The following CNTN5 variants were observed in gnomAD, a reference collection of about 807,000 sequenced individuals.
CNTN5 encodes the protein contactin-5.
Under a neutral mutation model 129.1 loss-of-function variants are expected in CNTN5, and 77 were observed. That is an observed-to-expected ratio of 0.60 (90% confidence interval 0.50 to 0.72). CNTN5 has a LOEUF of 0.72. Among genes scored for constraint, CNTN5 ranks in the 30% least tolerant of loss-of-function variants. The pLI is 0.00. For missense variants in CNTN5, 1,478 were observed against 1,328.8 expected (o/e 1.11, Z -1.75); for synonymous variants, 509 against 465.6 (o/e 1.09, Z -1.20).
intron 3 of CNTN5, among the ~76,000 whole-genome samples, chr11:99,732,450 T>G (rs12808436): frequency 6.6e-6 from 1 of 152,136 alleles, no homozygotes; most frequent in African/African-American, 2.4e-5. Context: ...CTCAGTATAA[T>G]AACTGAGTAC....
chr11:100,107,868 G>T (rs1364057778), intron 13 of CNTN5, among the ~76,000 whole-genome samples: 2 of 151,886 alleles, frequency 1.3e-5, no homozygotes, highest in Admixed American at 6.6e-5. Flanking sequence ...ATGCATGTGT[G>T]TGTGCTTAAT....
At chr11:100,240,785 C>T (rs1411429900) in intron 16 of CNTN5, among the ~76,000 whole-genome samples, 1 of 152,130 alleles carries the variant, frequency 6.6e-6, no homozygotes, top group Non-Finnish European at 1.5e-5. Context: ...GTCAAGGTTG[C>T]ACCTGTCTTA....
intron 1 of CNTN5, among the ~76,000 whole-genome samples, chr11:99,136,778 T>A (rs1859246769): frequency 1.1e-4 from 3 of 27,910 alleles, no homozygotes. Flanking sequence ...TAAAAGGACA[T>A]GGGTTGTTTT....
intron 3 of CNTN5, among the ~76,000 whole-genome samples, chr11:99,703,155 G>T (rs1954596245): frequency 6.8e-6 from 1 of 147,814 alleles, no homozygotes; most frequent in African/African-American, 2.5e-5. Context: ...TATAATCTTT[G>T]AGTTTTGATT....
chr11:100,207,984 G>A (rs939911382), intron 15 of CNTN5, among the ~76,000 whole-genome samples: 2 of 151,970 alleles, frequency 1.3e-5, no homozygotes, highest in African/African-American at 4.8e-5. Flanking sequence ...ACCACATTTA[G>A]TCTCATACCA....
At chr11:99,925,859 AGAACACTATGATGAAGGAATAC>A (rs1426879103) in intron 7 of CNTN5, among the ~76,000 whole-genome samples, 31 of 152,272 alleles carry the variant, frequency 2.0e-4, no homozygotes, top group African/African-American at 6.7e-4. Context: ...GGTAGTCCCA[AGAACACTATGATGAAGGAATAC>A]CAGATATTCT....
intron 2 of CNTN5, among the ~76,000 whole-genome samples, chr11:99,366,983 G>T (rs11219636): frequency 0.032 from 4,906 of 152,074 alleles, 264 homozygotes; most frequent in African/African-American, 0.11. Context: ...CGTAAGCTGG[G>T]GATATTTATA....
At chr11:100,297,559 C>T (rs562337704) in intron 18 of CNTN5, 66 bp from the exon 19 acceptor site, 3 of 1,209,030 alleles carry the variant, frequency 2.5e-6, no homozygotes, top group East Asian at 2.5e-5. Flanking sequence ...TGACTTATCT[C>T]AGGATTTTAT....
chr11:99,065,774 A>C (rs1865077034), intron 1 of CNTN5, among the ~76,000 whole-genome samples: 1 of 152,086 alleles, frequency 6.6e-6, no homozygotes, highest in African/African-American at 2.4e-5. Flanking sequence ...AAAAAGGAAA[A>C]GAAGAAAAAA....
chr11:99,225,531 C>T (rs905005148), intron 1 of CNTN5, among the ~76,000 whole-genome samples: 4 of 152,090 alleles, frequency 2.6e-5, no homozygotes, highest in Non-Finnish European at 4.4e-5. Flanking sequence ...ATGAGAAATC[C>T]GCCTATCTGT....
At chr11:100,262,185 G>A (rs1419921818) in intron 17 of CNTN5, among the ~76,000 whole-genome samples, 1 of 152,142 alleles carries the variant, frequency 6.6e-6, no homozygotes, top group African/African-American at 2.4e-5. Flanking sequence ...GCCAACAAAT[G>A]TATGAAAAAA....
chr11:99,826,310 T>C (rs574507065), intron 4 of CNTN5, among the ~76,000 whole-genome samples: 6 of 152,304 alleles, frequency 3.9e-5, no homozygotes, highest in African/African-American at 1.2e-4. Context: ...GCTATTGAGA[T>C]TCAGTCACTT....
intron 2 of CNTN5, among the ~76,000 whole-genome samples, chr11:99,512,095 C>T (rs920341256): frequency 7.2e-5 from 11 of 152,098 alleles, no homozygotes; most frequent in Non-Finnish European, 1.3e-4. Context: ...TGTCCTAGGG[C>T]TTCACATTCA....
At chr11:99,483,249 C>T (rs985468085) in intron 2 of CNTN5, among the ~76,000 whole-genome samples, 12 of 150,320 alleles carry the variant, frequency 8.0e-5, no homozygotes, top group Non-Finnish European at 1.5e-4. Flanking sequence ...TGGAAGAGGG[C>T]CAAGCTGGCA....
chr11:99,571,999 G>A (rs1241752490), intron 3 of CNTN5, among the ~76,000 whole-genome samples: 2 of 152,046 alleles, frequency 1.3e-5, no homozygotes, highest in Non-Finnish European at 2.9e-5. Context: ...AGATACGAAA[G>A]CCTCTCAGTT....
chr11:100,253,112 T>C (rs1444311315), intron 16 of CNTN5, among the ~76,000 whole-genome samples: 1 of 152,044 alleles, frequency 6.6e-6, no homozygotes, highest in African/African-American at 2.4e-5. Flanking sequence ...AAATGCCATC[T>C]CTATCTCTAC....
chr11:99,181,284 G>T (rs558286776), intron 1 of CNTN5, among the ~76,000 whole-genome samples: 7 of 152,318 alleles, frequency 4.6e-5, no homozygotes, highest in Admixed American at 3.9e-4. Flanking sequence ...GGGCGCCCAG[G>T]GAACAGGAAG....
chr11:99,770,759 A>G (rs979540481), intron 3 of CNTN5, among the ~76,000 whole-genome samples: 1 of 152,096 alleles, frequency 6.6e-6, no homozygotes, highest in African/African-American at 2.4e-5. Flanking sequence ...AGTTTAATGC[A>G]AACCCTATAA....
chr11:99,774,464 C>T (rs1437103935), intron 3 of CNTN5, among the ~76,000 whole-genome samples: 1 of 148,832 alleles, frequency 6.7e-6, no homozygotes, highest in Non-Finnish European at 1.5e-5. Flanking sequence ...TTAATCGAGC[C>T]CAATTTTTTT....
Sources: gnomAD v4.1 joint callset for allele counts (sites outside exome capture counted in the v4.1 genomes callset) on GRCh38, gnomAD v4.1.1 for gene constraint, MANE v1.5 for transcripts, NCBI Gene and HGNC (gene_info 2026-07-23, HGNC 2026-07-21) for gene names.